CNTNAP2: variants seen among roughly 807,000 people sequenced by gnomAD.
CNTNAP2 encodes the protein contactin associated protein 2.
CNTNAP2 carries 98 observed loss-of-function variants against 155.2 expected under a neutral mutation model. The ratio of observed to expected loss-of-function variants is 0.63; its 90% CI spans 0.54 to 0.75. CNTNAP2 has a LOEUF of 0.75. Ranked by LOEUF, CNTNAP2 falls within the 30% of genes least tolerant of loss-of-function variation. The pLI, the probability that CNTNAP2 is intolerant of heterozygous loss-of-function variation, is 0.00. For missense variants in CNTNAP2, 1,727 were observed against 1,688.1 expected (o/e 1.02, Z -0.40); for synonymous variants, 651 against 631.2 (o/e 1.03, Z -0.47).
At chr7:147,660,271 C>T (rs571523680) in intron 13 of CNTNAP2, among the ~76,000 whole-genome samples, 36 of 152,278 alleles carry the variant, frequency 2.4e-4, no homozygotes, top group African/African-American at 7.0e-4. Context: ...AATGTAGAAC[C>T]TTCTCTTCCT....
chr7:148,184,892 T>A (rs1383916748), intron 18 of CNTNAP2, among the ~76,000 whole-genome samples: 2 of 152,266 alleles, frequency 1.3e-5, no homozygotes, highest in African/African-American at 2.4e-5. Context: ...AGCTGATGGA[T>A]GTGAAAGTGC....
intron 4 of CNTNAP2, among the ~76,000 whole-genome samples, chr7:147,067,830 C>T (rs751710264): frequency 6.6e-6 from 1 of 152,214 alleles, no homozygotes; most frequent in Non-Finnish European, 1.5e-5. Context: ...TCTCGATTCG[C>T]ATTCGGTTGT....
intron 1 of CNTNAP2, among the ~76,000 whole-genome samples, chr7:146,211,387 G>T (rs967354269): frequency 6.6e-6 from 1 of 152,152 alleles, no homozygotes; most frequent in Non-Finnish European, 1.5e-5. Flanking sequence ...TCATTACCTT[G>T]ATGTAAAATC....
At chr7:147,157,252 G>A (rs1801942907) in intron 8 of CNTNAP2, among the ~76,000 whole-genome samples, 1 of 152,058 alleles carries the variant, frequency 6.6e-6, no homozygotes, top group South Asian at 2.1e-4. Context: ...TTTCTATGGT[G>A]ATAATGGGGG....
At chr7:147,059,983 G>A (rs2129261896) in intron 4 of CNTNAP2, among the ~76,000 whole-genome samples, 1 of 152,168 alleles carries the variant, frequency 6.6e-6, no homozygotes, top group African/African-American at 2.4e-5. Context: ...GTCAGATATT[G>A]TGCTAAGTTC....
At chr7:147,508,120 G>A (rs919132299) in intron 11 of CNTNAP2, among the ~76,000 whole-genome samples, 1 of 152,044 alleles carries the variant, frequency 6.6e-6, no homozygotes, top group Non-Finnish European at 1.5e-5. Flanking sequence ...ATTTTGCTGG[G>A]CCCATTAAAT....
chr7:147,700,134 G>A (rs978025815), intron 13 of CNTNAP2, among the ~76,000 whole-genome samples: 1 of 152,106 alleles, frequency 6.6e-6, no homozygotes, highest in East Asian at 1.9e-4. Context: ...AAGTGGGGCT[G>A]AAATTTTTCC....
rs1209945869 is a variant in CNTNAP2, at chr7:147,108,323, G to A, written c.727G>A (p.Ala243Thr). 1.9e-6 allele frequency: 3 copies of A among 1,613,438 alleles called. No homozygotes were observed. Among genetic ancestry groups the A allele is most frequent in the East Asian group, 2.2e-5 (1 of 44,822 alleles). The change falls in exon 5 of 24, where the codon GCC (alanine) becomes ACC (threonine). Residue 243 changes from alanine to threonine, a missense_variant. Coordinates refer to ENST00000361727, the MANE Select transcript of CNTNAP2 (RefSeq NM_014141.6). ...GDYITLELKK[A>T]KLVLSLNLGS... ...TTACATTACCTTGGAACTGAAAAAA[G>A]CCAAGCTGGTCCTCAGTTTAAACTT...
intron 13 of CNTNAP2, among the ~76,000 whole-genome samples, chr7:147,732,302 A>C (rs141996615): frequency 0.011 from 1,671 of 150,052 alleles, 96 homozygotes; most frequent in Admixed American, 0.09. Flanking sequence ...GTTTTCTGTC[A>C]TTGCGATAGT....
intron 1 of CNTNAP2, among the ~76,000 whole-genome samples, chr7:146,377,651 TTC>T (rs1795322554): frequency 6.6e-6 from 1 of 152,184 alleles, no homozygotes; most frequent in Non-Finnish European, 1.5e-5. Flanking sequence ...TCTTGCCAAC[TTC>T]TCTGTCTCAG....
chr7:146,561,110 G>A (rs947490172), intron 1 of CNTNAP2, among the ~76,000 whole-genome samples: 11 of 152,072 alleles, frequency 7.2e-5, no homozygotes, highest in African/African-American at 2.4e-4. Context: ...GCCCATCATC[G>A]TCCAGGTTGT....
chr7:146,733,894 T>C (rs944169803), intron 1 of CNTNAP2, among the ~76,000 whole-genome samples: 3 of 152,136 alleles, frequency 2.0e-5, no homozygotes, highest in African/African-American at 7.2e-5. Context: ...TTTTTCTGTT[T>C]TTGCAGGCTG....
chr7:147,223,489 G>T (rs1803452003), intron 8 of CNTNAP2, among the ~76,000 whole-genome samples: 1 of 152,166 alleles, frequency 6.6e-6, no homozygotes, highest in Admixed American at 6.5e-5. Flanking sequence ...ACCCCAAAAA[G>T]CAGCCTGTCC....
rs568339536 is a variant in CNTNAP2 at position 147,389,381 on chromosome 7, G to C, written c.1499-6228G>C. Among the ~76,000 whole-genome samples the C allele has an allele frequency of 8.5e-5, 13 of 152,280 alleles. No individual in the cohort carries two copies. The East Asian group carries it at 2.3e-3, about 27-fold the overall frequency. On this transcript the variant is annotated intron_variant, in intron 9 of 23. Coordinates refer to ENST00000361727, the MANE Select transcript of CNTNAP2 (RefSeq NM_014141.6). ...TTTATATGCACTTGGTTTTAAACAT[G>C]TCAATTTTTCAACCTTGTTGTCCAC...
intron 1 of CNTNAP2, among the ~76,000 whole-genome samples, chr7:146,533,793 AG>A (rs1457619574): frequency 6.6e-6 from 1 of 152,048 alleles, no homozygotes; most frequent in Non-Finnish European, 1.5e-5. Context: ...ATGTTGGGCA[AG>A]TTTGCATGTA....
At chr7:147,863,453 G>A (rs1484672175) in intron 13 of CNTNAP2, among the ~76,000 whole-genome samples, 1 of 152,110 alleles carries the variant, frequency 6.6e-6, no homozygotes, top group East Asian at 1.9e-4. Flanking sequence ...CCAGTAATGG[G>A]ATCACTGGGT....
chr7:146,640,742 T>C (rs1799690579), intron 1 of CNTNAP2, among the ~76,000 whole-genome samples: 1 of 152,196 alleles, frequency 6.6e-6, no homozygotes, highest in South Asian at 2.1e-4. Context: ...TTCTCTTCTT[T>C]AATATAAAGC....
chr7:146,142,235 C>A (rs1797891539), intron 1 of CNTNAP2, among the ~76,000 whole-genome samples: 1 of 152,168 alleles, frequency 6.6e-6, no homozygotes, highest in Non-Finnish European at 1.5e-5. Flanking sequence ...ACAGATGTAG[C>A]CCCAAAGTTC....
intron 1 of CNTNAP2, among the ~76,000 whole-genome samples, chr7:146,152,000 A>G (rs892813159): frequency 3.3e-5 from 5 of 151,622 alleles, no homozygotes; most frequent in African/African-American, 9.7e-5. Flanking sequence ...TGATTCAGCA[A>G]TGTCACTACT....
Sources: gnomAD v4.1 joint callset for allele counts (sites outside exome capture counted in the v4.1 genomes callset) on GRCh38, gnomAD v4.1.1 for gene constraint, MANE v1.5 for transcripts, NCBI Gene and HGNC (gene_info 2026-07-23, HGNC 2026-07-21) for gene names.